SLC4A5: variants seen among roughly 807,000 people sequenced by gnomAD.
SLC4A5 encodes electrogenic sodium bicarbonate cotransporter 4.
SLC4A5 carries 96 observed loss-of-function variants against 120.4 expected under a neutral mutation model. That is an observed-to-expected ratio of 0.80 (90% CI 0.68 to 0.94). The LOEUF (loss-of-function observed/expected upper bound fraction) is 0.94, where lower values mean the gene tolerates loss of function less well. Among genes scored for constraint, SLC4A5 ranks in the 40% least tolerant of loss-of-function variants. The pLI is 0.00. For missense variants in SLC4A5, 1,259 were observed against 1,459.5 expected, an observed-to-expected ratio of 0.86 and a Z score of 2.24; for synonymous variants, 550 against 571.1, an observed-to-expected ratio of 0.96 and a Z score of 0.53.
intron 8 of SLC4A5, among the ~76,000 whole-genome samples, chr2:74,267,689 G>A (rs1671347389): frequency 6.6e-6 from 1 of 152,216 alleles, no homozygotes; most frequent in Non-Finnish European, 1.5e-5. Context: ...GGGCGAATTA[G>A]TGTAGCAAGA....
At chr2:74,248,604 G>A in intron 17 of SLC4A5, 118 bp from the exon 18 acceptor site, 7 of 1,217,640 alleles carry the variant, frequency 5.7e-6, no homozygotes, top group Non-Finnish European at 7.9e-6. Flanking sequence ...CTTCGTTCTG[G>A]GCCCTTTCCT....
chr2:74,290,790 A>C (rs538150130), intron 7 of SLC4A5: 93 of 986,790 alleles, frequency 9.4e-5, no homozygotes, highest in Non-Finnish European at 1.1e-4. Flanking sequence ...GCAGCTGAGG[A>C]CCTGTGAGAG....
chr2:74,339,131 G>T (rs879478411), intron 2 of SLC4A5: 13 of 152,124 alleles, frequency 8.5e-5, no homozygotes, highest in African/African-American at 2.2e-4. Context: ...TTTTAAAAAA[G>T]AAAGAAAGAA....
chr2:74,265,348 T>A, intron 8 of SLC4A5, 84 bp from the exon 9 acceptor site: 2 of 1,497,310 alleles, frequency 1.3e-6, no homozygotes, highest in Non-Finnish European at 1.8e-6. Context: ...AGGGGTGTCA[T>A]GTGGGTTCAT....
intron 5 of SLC4A5, among the ~76,000 whole-genome samples, chr2:74,325,615 C>T (rs1469595997): frequency 7.2e-5 from 11 of 152,194 alleles, no homozygotes; most frequent in Admixed American, 7.2e-4. Context: ...TTTCTACCTC[C>T]AGCATTTCAT....
intron 21 of SLC4A5, among the ~76,000 whole-genome samples, chr2:74,237,546 C>G (rs1199156366): frequency 6.6e-6 from 1 of 151,978 alleles, no homozygotes; most frequent in Non-Finnish European, 1.5e-5. Flanking sequence ...CCTAAAGCAC[C>G]TTTTATTTAG....
chr2:74,226,663 T>C (rs923972612), intron 27 of SLC4A5, among the ~76,000 whole-genome samples: 3 of 152,160 alleles, frequency 2.0e-5, no homozygotes, highest in African/African-American at 7.2e-5. Context: ...GTCTCCTGGT[T>C]GAACTGATTT....
chr2:74,340,747 C>T (rs113481824), intron 2 of SLC4A5, among the ~76,000 whole-genome samples: 12 of 152,204 alleles, frequency 7.9e-5, no homozygotes, highest in Non-Finnish European at 1.3e-4. Context: ...ACAACCCTGA[C>T]GGGGTTGAGG....
intron 16 of SLC4A5, 138 bp downstream of exon 16, chr2:74,252,041 G>T: frequency 1.1e-6 from 1 of 924,574 alleles, no homozygotes; most frequent in Non-Finnish European, 1.6e-6. Flanking sequence ...TGGGGTTCAA[G>T]GGCTCTGGGA....
At chr2:74,308,024 G>T in intron 6 of SLC4A5, 1 of 531,628 alleles carries the variant, frequency 1.9e-6, no homozygotes, top group South Asian at 1.4e-5. Context: ...CCGGGGAGGA[G>T]AGTGAGAGGA....
At chr2:74,231,579 T>C (rs1303966974) in intron 24 of SLC4A5, among the ~76,000 whole-genome samples, 1 of 152,166 alleles carries the variant, frequency 6.6e-6, no homozygotes, top group African/African-American at 2.4e-5. Context: ...GCAGGACTGA[T>C]GTGGACTGGA....
chr2:74,271,003 T>C (rs1330667640), intron 8 of SLC4A5, among the ~76,000 whole-genome samples: 1 of 152,170 alleles, frequency 6.6e-6, no homozygotes, highest in Non-Finnish European at 1.5e-5. Context: ...ATAACTGAAG[T>C]CCATTTACAG....
chr2:74,234,167 C>A (rs553463240), intron 22 of SLC4A5, among the ~76,000 whole-genome samples: 1 of 147,152 alleles, frequency 6.8e-6, no homozygotes. Flanking sequence ...TTTTTTTTTT[C>A]TTTCTTTCTT....
chr2:74,218,033 A>G (rs1350601414), exon 31 of SLC4A5: 3 of 152,256 alleles, frequency 2.0e-5, no homozygotes, highest in Non-Finnish European at 4.4e-5. Flanking sequence ...CGAACTCCTG[A>G]GCTCAGGCAA....
At chr2:74,254,229 T>G (rs1025133832) in intron 14 of SLC4A5, among the ~76,000 whole-genome samples, 1 of 152,158 alleles carries the variant, frequency 6.6e-6, no homozygotes, top group African/African-American at 2.4e-5. Flanking sequence ...GCTCTTACAC[T>G]GAGCCTATAT....
chr2:74,297,184 T>C (rs1255110980), intron 7 of SLC4A5, among the ~76,000 whole-genome samples: 1 of 141,310 alleles, frequency 7.1e-6, no homozygotes, highest in Non-Finnish European at 1.5e-5. Context: ...ATGCCCACTT[T>C]AGAGGAAAAA....
intron 8 of SLC4A5, among the ~76,000 whole-genome samples, chr2:74,269,374 TG>T (rs1460097540): frequency 1.0e-3 from 127 of 126,840 alleles, no homozygotes; most frequent in East Asian, 7.9e-3. Flanking sequence ...CCCGGCTGTT[TG>T]TTTTTTGTTT....
chr2:74,259,573 C>T lies in SLC4A5; in HGVS notation c.867+15G>A, dbSNP rs1269407300. On this transcript the variant is annotated intron_variant, in intron 12 of 30. Transcript: ENST00000394019. ...CCTGGCCCTCCATTGCAGCTAAGTG[C>T]AGGGGTTTTACTACCTGGTCTGTGT... The T allele has an allele frequency of 1.9e-6, 3 of 1,614,082 alleles. No homozygotes were observed. Among genetic ancestry groups the T allele is most frequent in the Admixed American group, 1.7e-5 (1 of 60,034 alleles).
chr2:74,314,213 G>C (rs891996390), intron 6 of SLC4A5, among the ~76,000 whole-genome samples: 4 of 152,150 alleles, frequency 2.6e-5, no homozygotes, highest in African/African-American at 4.8e-5. Flanking sequence ...TTTAGCTGGT[G>C]AACTGTGGGG....
Sources: allele counts gnomAD v4.1 joint callset (sites outside exome capture counted in the v4.1 genomes callset), GRCh38; gene constraint gnomAD v4.1.1; transcripts MANE v1.5; gene names NCBI Gene and HGNC (gene_info 2026-07-23, HGNC 2026-07-21).